AGBL3: variants seen among roughly 807,000 people sequenced by gnomAD.
The protein encoded by AGBL3 is AGBL carboxypeptidase 3, also known as cytosolic carboxypeptidase 3.
AGBL3 carries 68 observed loss-of-function variants against 94.5 expected under a neutral mutation model. The observed-to-expected ratio is 0.72, with a 90% CI of 0.59 to 0.88. The LOEUF (loss-of-function observed/expected upper bound fraction) is 0.88, where lower values mean the gene tolerates loss of function less well. AGBL3 is among the 40% of genes least tolerant of loss of function. AGBL3 has a pLI of 0.00. For synonymous variants in AGBL3, 354 were observed against 370.7 expected (o/e 0.95, Z 0.52); for missense variants, 934 against 1,103.8 (o/e 0.85, Z 2.18).
chr7:135,028,449 A>G (rs983402624), intron 5 of AGBL3, among the ~76,000 whole-genome samples: 3 of 152,202 alleles, frequency 2.0e-5, no homozygotes, highest in African/African-American at 7.2e-5. Context: ...ATGTTAAGAA[A>G]CCACTTTCTT....
At chr7:135,096,556 GAAAGATAGATAGATAGATAGATAGATAC>G (rs202174550) in intron 15 of AGBL3, among the ~76,000 whole-genome samples, 11,625 of 92,430 alleles carry the variant, frequency 0.13, 744 homozygotes, top group South Asian at 0.22. Context: ...AAGAAAGAAA[GAAAGATAGATAGATAGATAGATAGATAC>G]ATAGATAGAT....
Position 134,989,297 on chromosome 7 carries a change from T to G in AGBL3, c.111T>G (p.Cys37Trp). 2 of 1,547,648 alleles carry G rather than the reference T, an allele frequency of 1.3e-6. No homozygotes were observed. Among genetic ancestry groups the G allele is most frequent in the Non-Finnish European group, 1.7e-6 (2 of 1,145,096 alleles). Residue 37 changes from cysteine (C) to tryptophan (W), a missense_variant, in exon 3 of 17, where the codon TGT (cysteine) becomes TGG (tryptophan). Around this residue, in one of 3 missense-constraint regions of AGBL3, gnomAD observed 488 missense variants for 563.6 expected, o/e 0.87. Coordinates refer to ENST00000436302, the MANE Select transcript of AGBL3 (RefSeq NM_178563.4). ...TTGTAAGTGAAGATCTTCATCGGTG[T>G]GCACTTTTAACAGGTTTGAACCTAT... Reference protein sequence around the residue: ...MKFVSEDLHRCALLTADSFGD... With the variant: ...MKFVSEDLHRWALLTADSFGD...
chr7:135,006,202 CTTTTATTT>C (rs1291142045), intron 4 of AGBL3, among the ~76,000 whole-genome samples: 1 of 151,764 alleles, frequency 6.6e-6, no homozygotes, highest in African/African-American at 2.4e-5. Context: ...ATTCTATCTC[CTTTTATTT>C]TTTTATTTTT....
chr7:135,042,427 A>G (rs1816943233), intron 8 of AGBL3, among the ~76,000 whole-genome samples: 1 of 152,250 alleles, frequency 6.6e-6, no homozygotes. Flanking sequence ...TCAAAAGATT[A>G]CATTCTATAT....
chr7:135,097,995 T>G (rs1410638779), intron 15 of AGBL3, among the ~76,000 whole-genome samples: 2 of 152,166 alleles, frequency 1.3e-5, no homozygotes, highest in Non-Finnish European at 2.9e-5. Context: ...TATAATGACA[T>G]TCAATGTGCT....
At chr7:135,134,708 G>T (rs942980469) in intron 16 of AGBL3, 133 bp from the exon 17 acceptor site, 3 of 842,340 alleles carry the variant, frequency 3.6e-6, no homozygotes, top group Non-Finnish European at 5.3e-6. Flanking sequence ...CTAAATGATG[G>T]TAAAATTCTT....
intron 1 of AGBL3, among the ~76,000 whole-genome samples, chr7:134,986,937 C>A (rs1387309421): frequency 6.6e-6 from 1 of 152,250 alleles, no homozygotes; most frequent in Non-Finnish European, 1.5e-5. Context: ...CGCGGAGCGC[C>A]GGTGGATAAG....
At chr7:134,988,633 A>T (rs1454508033) in intron 2 of AGBL3, among the ~76,000 whole-genome samples, 2 of 146,384 alleles carry the variant, frequency 1.4e-5, no homozygotes, top group Non-Finnish European at 3.0e-5. Context: ...TGTTAATTTA[A>T]TTTTTTTTTT....
chr7:135,130,627 T>A (rs1828606847), intron 16 of AGBL3, among the ~76,000 whole-genome samples: 1 of 151,922 alleles, frequency 6.6e-6, no homozygotes, highest in African/African-American at 2.4e-5. Context: ...TATAATCATA[T>A]TATTCATATA....
intron 16 of AGBL3, chr7:135,128,640 T>C: frequency 1.1e-6 from 1 of 880,782 alleles, no homozygotes; most frequent in Non-Finnish European, 1.9e-6. Flanking sequence ...CCCGTTTGCC[T>C]GGATGCAATT....
chr7:135,061,658 G>A lies in AGBL3; in HGVS notation c.1908+2423G>A, dbSNP rs184166242. Among the ~76,000 whole-genome samples, 96 of 151,882 alleles carry A rather than the reference G, an allele frequency of 6.3e-4. 1 individual carries two copies. Among genetic ancestry groups the A allele is most frequent in the East Asian group, 9.6e-4 (5 of 5,188 alleles). On this transcript the variant is annotated intron_variant, in intron 12 of 16. Coordinates refer to ENST00000436302, the MANE Select transcript of AGBL3 (RefSeq NM_178563.4). The stretch of plus-strand genomic sequence containing the variant: ...TTGAAGATACTGTCCTTTTCACATC[G>A]TGTGATCTTGGCACTTCTGTCAAAA...
Position 135,086,801 on chromosome 7 carries a change from T to C in AGBL3, c.2110+5011T>C, listed in dbSNP as rs1024057347. ...TTTATCAAGAACATAGGCCAATAGG[T>C]TTCTTTTGTTGTTGTTGTTGCGTCC... On this transcript the variant is annotated intron_variant, in intron 15 of 16. Transcript: ENST00000436302. Among the ~76,000 whole-genome samples the C allele has an allele frequency of 4.6e-5, 7 of 152,136 alleles. No individual in the cohort carries two copies. In the East Asian group the frequency reaches 1.4e-3, roughly 29 times the overall value.
At chr7:135,012,805 C>A (rs2133469984) in intron 4 of AGBL3, among the ~76,000 whole-genome samples, 1 of 152,076 alleles carries the variant, frequency 6.6e-6, no homozygotes, top group East Asian at 1.9e-4. Flanking sequence ...AGATCATAGA[C>A]CTAAACGAAG....
At chr7:135,014,004 G>T (rs540985182) in intron 4 of AGBL3, among the ~76,000 whole-genome samples, 1 of 151,992 alleles carries the variant, frequency 6.6e-6, no homozygotes, top group African/African-American at 2.4e-5. Context: ...AGACCAGCCT[G>T]GGCAACACGG....
At chr7:135,069,634 A>C (rs1174823537) in intron 12 of AGBL3, among the ~76,000 whole-genome samples, 1 of 152,238 alleles carries the variant, frequency 6.6e-6, no homozygotes, top group Non-Finnish European at 1.5e-5. Flanking sequence ...TACTGGGTAC[A>C]TAAGAAATGA....
intron 5 of AGBL3, among the ~76,000 whole-genome samples, chr7:135,029,248 T>C (rs977096709): frequency 3.9e-5 from 6 of 152,220 alleles, no homozygotes; most frequent in Non-Finnish European, 8.8e-5. Flanking sequence ...TTGACTTCTC[T>C]AGCTAGGAAA....
intron 16 of AGBL3, among the ~76,000 whole-genome samples, chr7:135,126,599 G>C (rs1827903453): frequency 6.6e-6 from 1 of 152,140 alleles, no homozygotes; most frequent in Admixed American, 6.5e-5. Flanking sequence ...TAAGCAGAAG[G>C]AACAAAGCTG....
chr7:135,081,072 C>T (rs1380481626), intron 14 of AGBL3, among the ~76,000 whole-genome samples: 1 of 151,728 alleles, frequency 6.6e-6, no homozygotes, highest in East Asian at 1.9e-4. Flanking sequence ...TTAAAATAGT[C>T]AATTCACTTA....
chr7:135,013,958 G>T (rs978456381), intron 4 of AGBL3, among the ~76,000 whole-genome samples: 2 of 152,120 alleles, frequency 1.3e-5, no homozygotes, highest in Admixed American at 1.3e-4. Flanking sequence ...ACTTTGGGAG[G>T]CCAAGGCGGG....
Sources: allele counts gnomAD v4.1 joint callset (sites outside exome capture counted in the v4.1 genomes callset), GRCh38; gene constraint gnomAD v4.1.1; regional missense constraint gnomAD v4.1.1; transcripts MANE v1.5; gene names NCBI Gene and HGNC (gene_info 2026-07-23, HGNC 2026-07-21).